The following RABGAP1L variants were observed in gnomAD, a reference collection of about 807,000 sequenced individuals.
RABGAP1L encodes rab GTPase-activating protein 1-like.
Under a neutral mutation model 137.7 loss-of-function variants are expected in RABGAP1L, and 63 were observed. That is an observed-to-expected ratio of 0.46 (90% confidence interval 0.37 to 0.56). The LOEUF (loss-of-function observed/expected upper bound fraction) is 0.56, where lower values mean the gene tolerates loss of function less well. Ranked by LOEUF, RABGAP1L falls within the 20% of genes least tolerant of loss-of-function variation. The pLI is 0.00. For missense variants in RABGAP1L, 1,095 were observed against 1,244.0 expected (o/e 0.88, Z 1.80); for synonymous variants, 431 against 433.7 (o/e 0.99, Z 0.08).
intron 18 of RABGAP1L, among the ~76,000 whole-genome samples, chr1:174,805,402 G>T (rs1689191621): frequency 6.6e-6 from 1 of 152,194 alleles, no homozygotes; most frequent in Non-Finnish European, 1.5e-5. Context: ...TGGTAAACAT[G>T]GTTCATATTA....
At chr1:174,269,301 A>G (rs1674354638) in intron 7 of RABGAP1L, among the ~76,000 whole-genome samples, 1 of 152,218 alleles carries the variant, frequency 6.6e-6, no homozygotes, top group African/African-American at 2.4e-5. Flanking sequence ...CATGAAAGCA[A>G]GTATTTGTAC....
chr1:174,540,802 TTAAAG>T (rs2147932113), intron 13 of RABGAP1L, among the ~76,000 whole-genome samples: 1 of 152,320 alleles, frequency 6.6e-6, no homozygotes, highest in African/African-American at 2.4e-5. Context: ...CATATGAACT[TTAAAG>T]TAGTTTTTTC....
chr1:174,875,385 A>T (rs1413175108), intron 19 of RABGAP1L: 1 of 225,016 alleles, frequency 4.4e-6, no homozygotes, highest in African/African-American at 2.3e-5. Flanking sequence ...GTTACGCTGA[A>T]TGCACTCTCC....
At chr1:174,677,670 G>A (rs1677743154) in intron 14 of RABGAP1L, among the ~76,000 whole-genome samples, 1 of 152,170 alleles carries the variant, frequency 6.6e-6, no homozygotes, top group Non-Finnish European at 1.5e-5. Flanking sequence ...GAACTCTATT[G>A]GGTTGACAGA....
chr1:174,576,565 T>C (rs1414040454), intron 13 of RABGAP1L, among the ~76,000 whole-genome samples: 1 of 152,200 alleles, frequency 6.6e-6, no homozygotes, highest in Admixed American at 6.5e-5. Flanking sequence ...ATTTTATATT[T>C]ACAATAATCA....
intron 1 of RABGAP1L, among the ~76,000 whole-genome samples, chr1:174,191,855 C>T (rs1411503197): frequency 3.9e-5 from 6 of 152,084 alleles, no homozygotes; most frequent in Non-Finnish European, 5.9e-5. Flanking sequence ...GGGAAATGTT[C>T]GGATTTAGCT....
In RABGAP1L at chr1:174,230,254, G is replaced by A. The variant is rs368665119; in HGVS notation, c.332-891G>A. On this transcript the variant is annotated intron_variant, in intron 3 of 25. Coordinates refer to ENST00000681986, the MANE Select transcript of RABGAP1L (RefSeq NM_001366446.1). ...ACACACCGGGGCATGTTGTGAGGTGGGGGGAGGGGGGAGGGATAGCATTAG... is the reference window on the plus strand; with the variant it reads ...ACACACCGGGGCATGTTGTGAGGTGAGGGGAGGGGGGAGGGATAGCATTAG... 4.7e-5 allele frequency among the ~76,000 whole-genome samples: 7 copies of A among 148,716 alleles called. No individual in the cohort carries two copies. In the East Asian group the frequency reaches 1.2e-3, roughly 26 times the overall value.
chr1:174,184,114 A>G lies in RABGAP1L; in HGVS notation c.-34+24457A>G, dbSNP rs185968790. ...GATCTCCTGACCTCGTGATCTGCCC[A>G]CCTCGGCCTCCCAAAGTGCTGGGAT... On this transcript the variant is annotated intron_variant, in intron 1 of 25. Transcript: ENST00000681986. Among the ~76,000 whole-genome samples, 202 of 151,670 alleles carry G rather than the reference A, an allele frequency of 1.3e-3. 1 individual carries two copies. The highest frequency in any genetic ancestry group is 4.6e-3 in the African/African-American group (189 of 41,378).
intron 19 of RABGAP1L, among the ~76,000 whole-genome samples, chr1:174,947,747 A>G (rs1405300206): frequency 6.6e-6 from 1 of 152,178 alleles, no homozygotes; most frequent in Admixed American, 6.5e-5. Context: ...AACCACCTCA[A>G]ATAAAGTATC....
chr1:174,506,561 A>C (rs1008405403), intron 13 of RABGAP1L, among the ~76,000 whole-genome samples: 1 of 152,166 alleles, frequency 6.6e-6, no homozygotes, highest in Non-Finnish European at 1.5e-5. Context: ...TACAATAGCT[A>C]CAAAAAATAG....
chr1:174,669,892 T>C (rs952904638), intron 14 of RABGAP1L, among the ~76,000 whole-genome samples: 5 of 152,198 alleles, frequency 3.3e-5, no homozygotes, highest in African/African-American at 1.2e-4. Flanking sequence ...CTTTGTAGTG[T>C]ATTTTGAAGC....
In RABGAP1L at chr1:174,611,427, G is replaced by C. The variant is rs1416128242; in HGVS notation, c.1711-25948G>C. Among the ~76,000 whole-genome samples, 213 of 151,434 alleles carry C rather than the reference G, an allele frequency of 1.4e-3. 1 individual carries two copies. Among genetic ancestry groups the C allele is most frequent in the African/African-American group, 4.7e-3 (192 of 41,136 alleles). ...TCCATTGGTCTATATCTCTCTTTTG[G>C]TACCACTACCATGCTGTTTTGGTTA... is the stretch of plus-strand genomic sequence containing the variant. On this transcript the variant is annotated intron_variant, in intron 13 of 25. Transcript: ENST00000681986.
chr1:174,855,889 G>A lies in RABGAP1L; in HGVS notation c.2340+43929G>A, dbSNP rs538893144. On this transcript the variant is annotated intron_variant, in intron 19 of 25. Transcript: ENST00000681986. The stretch of plus-strand genomic sequence containing the variant: ...AGTTTTTCATTCTGCTACCCCAGAT[G>A]TGTAGCACTCTGCTTTGTACATAGA... Among the ~76,000 whole-genome samples, 7 of 152,338 alleles carry A rather than the reference G, an allele frequency of 4.6e-5. No individual in the cohort carries two copies. In the East Asian group the frequency reaches 1.3e-3, roughly 29 times the overall value.
chr1:174,418,173 C>G (rs955254212), intron 13 of RABGAP1L, among the ~76,000 whole-genome samples: 1 of 152,138 alleles, frequency 6.6e-6, no homozygotes, highest in African/African-American at 2.4e-5. Flanking sequence ...GTATGTGAGG[C>G]AATGGATGAA....
At chr1:174,366,295 A>T (rs562090929) in intron 11 of RABGAP1L, among the ~76,000 whole-genome samples, 7 of 152,304 alleles carry the variant, frequency 4.6e-5, no homozygotes, top group South Asian at 4.1e-4. Flanking sequence ...CATCTCAGTT[A>T]TCTGTCCTTC....
chr1:174,441,433 G>A (rs941915245), intron 13 of RABGAP1L, among the ~76,000 whole-genome samples: 2 of 152,020 alleles, frequency 1.3e-5, no homozygotes, highest in Admixed American at 1.3e-4. Flanking sequence ...AGAAAGAAAA[G>A]TAAGGAAGCT....
intron 13 of RABGAP1L, among the ~76,000 whole-genome samples, chr1:174,479,410 A>G (rs1004462630): frequency 1.3e-5 from 2 of 152,140 alleles, no homozygotes; most frequent in Admixed American, 6.6e-5. Context: ...ATCAGAGTCT[A>G]TTTTGGTGGG....
Position 174,519,122 on chromosome 1 carries a change from C to T in RABGAP1L, c.1711-118253C>T, listed in dbSNP as rs113468347. ...ACACACACACATACACACACACACA[C>T]GTTATATATAATATATATGTATATA... On this transcript the variant is annotated intron_variant, in intron 13 of 25. Coordinates refer to ENST00000681986, the MANE Select transcript of RABGAP1L (RefSeq NM_001366446.1). 4.1e-3 allele frequency among the ~76,000 whole-genome samples: 618 copies of T among 150,746 alleles called. 6 individuals are homozygous for T. Among genetic ancestry groups the T allele is most frequent in the African/African-American group, 0.014 (582 of 41,014 alleles).
At chr1:174,386,524 T>G (rs928745295) in intron 12 of RABGAP1L, among the ~76,000 whole-genome samples, 12 of 151,796 alleles carry the variant, frequency 7.9e-5, no homozygotes, top group African/African-American at 2.9e-4. Flanking sequence ...TTTTTTTTTT[T>G]GAGATGGAGT....
Sources: allele counts gnomAD v4.1 joint callset (sites outside exome capture counted in the v4.1 genomes callset), GRCh38; gene constraint gnomAD v4.1.1; transcripts MANE v1.5; gene names NCBI Gene and HGNC (gene_info 2026-07-23, HGNC 2026-07-21).